The following PROM1 variants were observed in gnomAD, a reference collection of about 807,000 sequenced individuals.
PROM1 encodes the protein prominin 1, also known as prominin-1.
PROM1 carries 105 observed loss-of-function variants against 116.9 expected under a neutral mutation model. The observed-to-expected ratio is 0.90, with a 90% confidence interval of 0.77 to 1.06. The LOEUF is 1.06. PROM1 is among the 50% of genes least tolerant of loss of function. PROM1 has a pLI of 0.00. For synonymous variants in PROM1, 393 were observed against 387.0 expected, an observed-to-expected ratio of 1.02 and a Z score of -0.18; for missense variants, 1,122 against 1,045.2, an observed-to-expected ratio of 1.07 and a Z score of -1.01.
At chr4:16,071,686 G>A (rs918585249) in intron 2 of PROM1, among the ~76,000 whole-genome samples, 2 of 152,164 alleles carry the variant, frequency 1.3e-5, no homozygotes, top group Non-Finnish European at 2.9e-5. Flanking sequence ...GCCAGAAAGT[G>A]AGCCTTCCCT....
intron 13 of PROM1, among the ~76,000 whole-genome samples, chr4:16,004,832 T>TTTTTCTTCCTTC (rs1203366908): frequency 1.4e-3 from 175 of 122,592 alleles, no homozygotes; most frequent in Admixed American, 2.0e-3. Context: ...TCTTTCTTTT[T>TTTTTCTTCCTTC]CTTCCTTCCT....
intron 1 of PROM1, among the ~76,000 whole-genome samples, chr4:16,081,628 A>C (rs1266847958): frequency 6.6e-6 from 1 of 152,114 alleles, no homozygotes; most frequent in Non-Finnish European, 1.5e-5. Context: ...GATAAAAATT[A>C]CCCCCGACTC....
chr4:16,056,982 G>A (rs1739196318), intron 2 of PROM1, among the ~76,000 whole-genome samples: 1 of 152,250 alleles, frequency 6.6e-6, no homozygotes, highest in South Asian at 2.1e-4. Flanking sequence ...TTAGTCTTCA[G>A]GAAGACTGGC....
chr4:15,971,118 C>T (rs1714438471), intron 26 of PROM1, 36 bp from the exon 27 acceptor site: 1 of 1,534,872 alleles, frequency 6.5e-7, no homozygotes, highest in East Asian at 2.4e-5. Context: ...ATAATACCCC[C>T]AACAAAGCTG....
rs561807258 is a variant in PROM1, at chr4:16,081,037, A to G, written c.-213+2941T>C. Among the ~76,000 whole-genome samples, 38 of 150,436 alleles carry G rather than the reference A, an allele frequency of 2.5e-4. No homozygotes were observed. The East Asian group carries it at 4.1e-3, about 16-fold the overall frequency. On this transcript the variant is annotated intron_variant, in intron 1 of 27. Transcript: ENST00000447510. The stretch of plus-strand genomic sequence containing the variant: ...TTTCAAGAAGTCCTTTTATATATAT[A>G]CATATACATATATATATGTATATGT...
chr4:16,063,794 T>C (rs887541090), intron 2 of PROM1, among the ~76,000 whole-genome samples: 3 of 152,240 alleles, frequency 2.0e-5, no homozygotes, highest in African/African-American at 7.2e-5. Flanking sequence ...AATAGCATTG[T>C]TCTTATTTTT....
chr4:15,971,302 C>G (rs948140790), intron 26 of PROM1: 1 of 508,062 alleles, frequency 2.0e-6, no homozygotes, highest in Non-Finnish European at 3.5e-6. Flanking sequence ...AGAGGATAAA[C>G]AGACTATGAC....
intron 22 of PROM1, among the ~76,000 whole-genome samples, chr4:15,985,314 C>T (rs970436853): frequency 1.8e-4 from 27 of 152,052 alleles, no homozygotes; most frequent in Admixed American, 9.2e-4. Flanking sequence ...GACTCTGGAA[C>T]GAATAACCCA....
At chr4:15,980,823 C>G (rs931286385) in intron 23 of PROM1, among the ~76,000 whole-genome samples, 2 of 151,820 alleles carry the variant, frequency 1.3e-5, no homozygotes, top group African/African-American at 4.8e-5. Context: ...AGCCAGGATG[C>G]GAATCTAGGC....
intron 13 of PROM1, among the ~76,000 whole-genome samples, chr4:16,003,087 A>G (rs1664832565): frequency 1.3e-5 from 2 of 152,210 alleles, no homozygotes; most frequent in Non-Finnish European, 2.9e-5. Context: ...TGATTTGCAC[A>G]GTTAGGATAA....
In PROM1 at chr4:15,969,309, C is replaced by T. The variant is rs1241270430; in HGVS notation, c.*84G>A. 4 of 148,272 alleles carry T rather than the reference C, an allele frequency of 2.7e-5. No individual in the cohort carries two copies. The highest frequency in any genetic ancestry group is 7.9e-5 in the African/African-American group (3 of 37,880). The allele number at this position is 148,272 out of a possible 1,614,324, so 9.2% of individuals were successfully genotyped here. On this transcript the variant is annotated 3_prime_UTR_variant, in exon 28 of 28. Transcript: ENST00000447510. ...GGCGTTGCTCCTGGATTTGGAAAGT[C>T]CTTGTAGACCCAGAAACTACCAAAA...
intron 1 of PROM1, chr4:16,083,410 A>C (rs1432780398): frequency 6.6e-6 from 1 of 150,536 alleles, no homozygotes; most frequent in Admixed American, 6.6e-5. Context: ...CACTCAGACT[A>C]AAAAGTTTGG....
intron 11 of PROM1, among the ~76,000 whole-genome samples, chr4:16,009,696 T>C (rs1726401689): frequency 6.6e-6 from 1 of 151,988 alleles, no homozygotes; most frequent in Non-Finnish European, 1.5e-5. Context: ...TCCCAGCACT[T>C]TGGGAGTCTG....
At chr4:16,052,312 T>TG (rs1738073731) in intron 2 of PROM1, among the ~76,000 whole-genome samples, 2 of 152,174 alleles carry the variant, frequency 1.3e-5, no homozygotes, top group African/African-American at 4.8e-5. Context: ...AGCTCTGTTC[T>TG]GGCCACTCAC....
chr4:16,001,067 T>C (rs1480691427), intron 13 of PROM1, among the ~76,000 whole-genome samples: 1 of 152,212 alleles, frequency 6.6e-6, no homozygotes, highest in Non-Finnish European at 1.5e-5. Context: ...CCAACGTGGA[T>C]GGGACATCAT....
intron 8 of PROM1, among the ~76,000 whole-genome samples, chr4:16,020,963 T>C (rs1729704428): frequency 6.6e-6 from 1 of 152,120 alleles, no homozygotes; most frequent in Admixed American, 6.6e-5. Context: ...TTAATTACCA[T>C]TTTGCCAGCC....
At chr4:16,044,339 A>T (rs146229002) in intron 2 of PROM1, among the ~76,000 whole-genome samples, 1 of 152,364 alleles carries the variant, frequency 6.6e-6, no homozygotes, top group African/African-American at 2.4e-5. Flanking sequence ...TGTTGTTTGC[A>T]GTAGATTTAT....
chr4:15,971,570 A>T (rs1054145152), intron 26 of PROM1: 1 of 154,274 alleles, frequency 6.5e-6, no homozygotes, highest in African/African-American at 2.4e-5. Flanking sequence ...AACCATCAAC[A>T]GTAGCCCTAG....
rs1173449645 is a variant in PROM1 at position 16,064,435 on chromosome 4, C to G, written c.220+11252G>C. On this transcript the variant is annotated intron_variant, in intron 2 of 27. Transcript: ENST00000447510. Reference sequence around the variant, plus strand: ...CTACGGAAAGTCAGGCGGGCGTTACCCTTGGGAGGAGGCAGGAGACAGTGA... The same window carrying G: ...CTACGGAAAGTCAGGCGGGCGTTACGCTTGGGAGGAGGCAGGAGACAGTGA... 2.6e-5 allele frequency among the ~76,000 whole-genome samples: 4 copies of G among 152,062 alleles called. No homozygotes were observed. The East Asian group carries it at 5.8e-4, about 22-fold the overall frequency.
Sources: allele counts gnomAD v4.1 joint callset (sites outside exome capture counted in the v4.1 genomes callset), GRCh38; gene constraint gnomAD v4.1.1; transcripts MANE v1.5; gene names NCBI Gene and HGNC (gene_info 2026-07-23, HGNC 2026-07-21).